Variants in C9orf43 observed in about 807,000 individuals in gnomAD.
C9orf43 encodes the protein uncharacterized protein C9orf43.
A neutral mutation model predicts 59.1 loss-of-function variants in C9orf43; 45 were observed. The ratio of observed to expected loss-of-function variants is 0.76; its 90% CI spans 0.60 to 0.98. The LOEUF is 0.98. Ranked by LOEUF, C9orf43 falls within the 50% of genes least tolerant of loss-of-function variation. The pLI, the probability that C9orf43 is intolerant of heterozygous loss-of-function variation, is 0.00. For missense variants in C9orf43, 533 were observed against 554.9 expected, an observed-to-expected ratio of 0.96 and a Z score of 0.40; for synonymous variants, 203 against 196.8, an observed-to-expected ratio of 1.03 and a Z score of -0.26.
intron 1 of C9orf43, among the ~76,000 whole-genome samples, chr9:113,412,384 C>T (rs994666272): frequency 1.3e-5 from 2 of 152,212 alleles, no homozygotes; most frequent in African/African-American, 2.4e-5. Flanking sequence ...GATAGTTTAT[C>T]TTTGATCTAA....
chr9:113,413,995 A>G, intron 3 of C9orf43, 101 bp downstream of exon 3: 1 of 1,297,920 alleles, frequency 7.7e-7, no homozygotes, highest in East Asian at 2.4e-5. Context: ...TAGATTAAAA[A>G]GAAAATACCA....
intron 3 of C9orf43, among the ~76,000 whole-genome samples, chr9:113,416,866 C>G (rs529516815): frequency 6.6e-6 from 1 of 152,112 alleles, no homozygotes; most frequent in Non-Finnish European, 1.5e-5. Context: ...ACCAGATGTC[C>G]CCTCGGGGCA....
Position 113,410,984 on chromosome 9 carries a change from C to CACGCTTTTGTAATAATGGT in C9orf43, c.-64_-50+4dup, listed in dbSNP as rs1171348563. ...GTTCATTTTTAATCTTTTCGCCCCT[C>CACGCTTTTGTAATAATGGT]ACGCTTTTGTAATAATGGTACTAAG... On this transcript the variant is annotated 5_prime_UTR_variant, in exon 1 of 14. In the 5' UTR this introduces an upstream ATG that the reference lacks. Coordinates refer to ENST00000374165, the MANE Select transcript of C9orf43 (RefSeq NM_001278629.2). 1 of 986,118 alleles carries CACGCTTTTGTAATAATGGT rather than the reference C, an allele frequency of 1.0e-6. No homozygotes were observed. Among genetic ancestry groups the CACGCTTTTGTAATAATGGT allele is most frequent in the Non-Finnish European group, 1.2e-6 (1 of 830,446 alleles). 61.1% of individuals were successfully genotyped at this position (986,118 alleles called of 1,614,324 possible). A position where few individuals can be genotyped will look rare whatever the true frequency, so the allele number is the denominator to read the frequency against.
At position 113,424,214 on chromosome 9, in the gene C9orf43, A is replaced by G. The variant is rs755255479; in HGVS notation, c.705A>G (p.Ile235Met). The G allele has an allele frequency of 1.9e-6, 3 of 1,614,028 alleles. No individual in the cohort carries two copies. The Middle Eastern group carries it at 5.0e-4, about 266-fold the overall frequency. ...KQTMLCPEMK[I>M]KLAMMKKNLP... Reference sequence around the variant, plus strand: ...CCATGCTCTGTCCAGAGATGAAGATAAAATTGGCCATGATGAAAAAGAATC... The same window carrying G: ...CCATGCTCTGTCCAGAGATGAAGATGAAATTGGCCATGATGAAAAAGAATC... Residue 235 changes from isoleucine to methionine, a missense_variant, in exon 8 of 14, where the codon ATA becomes ATG. Ile to Met is a conservative substitution (Grantham distance 10). Transcript: ENST00000374165.
intron 10 of C9orf43, 53 bp from the exon 11 acceptor site, chr9:113,425,590 A>T (rs1419885676): frequency 3.8e-6 from 6 of 1,577,454 alleles, no homozygotes; most frequent in Non-Finnish European, 5.2e-6. Context: ...TTTTGAAAAA[A>T]GTTTTCTTTA....
chr9:113,428,897 C>T lies in C9orf43; in HGVS notation c.1108-3C>T. The stretch of plus-strand genomic sequence containing the variant: ...AATTTCCTTATACCCCAATGAATTT[C>T]AGGATTCCACGGAGAGACCAAAGAT... On this transcript the variant is annotated splice_polypyrimidine_tract_variant and splice_region_variant and intron_variant, in intron 12 of 13. Transcript: ENST00000374165. The T allele has an allele frequency of 6.2e-7, 1 of 1,612,800 alleles. No homozygotes were observed. The highest frequency in any genetic ancestry group is 8.5e-7 in the Non-Finnish European group (1 of 1,178,792).
chr9:113,429,322 T>A lies in C9orf43; in HGVS notation c.1322T>A (p.Leu441Gln). The change falls in exon 14 of 14, where the codon CTA becomes CAA. Residue 441 changes from leucine (L) to glutamine (Q), a missense_variant. By Grantham distance (113) the Leu-to-Gln change is moderately radical (BLOSUM62 -2). Transcript: ENST00000374165. ...ASTGWNSELK[L>Q]LRILQDTDDE... ...ACAGGCTGGAACTCTGAGCTCAAAC[T>A]ACTTAGGATTCTTCAGGACACTGAT... is the stretch of plus-strand genomic sequence containing the variant. 6.2e-7 allele frequency: 1 copy of A among 1,614,208 alleles called. No individual in the cohort carries two copies. Among genetic ancestry groups the A allele is most frequent in the Non-Finnish European group, 8.5e-7 (1 of 1,180,036 alleles).
In C9orf43 at chr9:113,413,656, A is replaced by C; in HGVS notation, c.151+12A>C. ...CCTGGATGCTGAAGGTGAATTAGCC[A>C]GCTTCTGTCCTCTCCCTCACGAGGT... On this transcript the variant is annotated intron_variant, in intron 2 of 13. Coordinates refer to ENST00000374165, the MANE Select transcript of C9orf43 (RefSeq NM_001278629.2). The C allele has an allele frequency of 6.2e-7, 1 of 1,613,874 alleles. No homozygotes were observed. The highest frequency in any genetic ancestry group is 8.5e-7 in the Non-Finnish European group (1 of 1,179,770).
intron 1 of C9orf43, 75 bp from the exon 2 acceptor site, chr9:113,413,370 G>T: frequency 7.6e-7 from 1 of 1,310,838 alleles, no homozygotes; most frequent in Non-Finnish European, 1.0e-6. Context: ...ATTTTATACT[G>T]TGAGTTCAAA....
chr9:113,428,059 A>T (rs1828855518), intron 11 of C9orf43, 88 bp from the exon 12 acceptor site: 1 of 1,274,400 alleles, frequency 7.8e-7, no homozygotes, highest in Non-Finnish European at 1.1e-6. Context: ...ATGCAGAGTC[A>T]CTTGTAGACT....
Position 113,422,572 on chromosome 9 carries a change from A to G in C9orf43, c.470A>G (p.Lys157Arg). The stretch of plus-strand genomic sequence containing the variant: ...AGCCAGCATGGGAAGAAGAAAAGAA[A>G]GAACTCGGCAGTGGTGAGTTTGATG... ...HVSQHGKKKR[K>R]NSAVKSKSFL... Residue 157 changes from lysine (K) to arginine (R), a missense_variant, in exon 6 of 14, where the codon AAG becomes AGG. Transcript: ENST00000374165. 3.1e-6 allele frequency: 5 copies of G among 1,614,044 alleles called. No homozygotes were observed. The highest frequency in any genetic ancestry group is 4.2e-6 in the Non-Finnish European group (5 of 1,179,976).
At chr9:113,420,379 C>T (rs907440241) in intron 4 of C9orf43, among the ~76,000 whole-genome samples, 15 of 151,890 alleles carry the variant, frequency 9.9e-5, no homozygotes, top group African/African-American at 2.9e-4. Context: ...CATGCCTGGC[C>T]GAGATTAAAT....
chr9:113,422,661 T>TCC (rs1828625650), intron 6 of C9orf43, 76 bp downstream of exon 6: 2 of 1,533,750 alleles, frequency 1.3e-6, no homozygotes, highest in South Asian at 1.2e-5. Flanking sequence ...TCAGGTCTCC[T>TCC]CCACCTTACC....
intron 3 of C9orf43, among the ~76,000 whole-genome samples, chr9:113,414,473 C>T (rs931034903): frequency 4.0e-5 from 6 of 150,414 alleles, no homozygotes; most frequent in African/African-American, 9.8e-5. Context: ...TTATTAGAGA[C>T]GAGGTCTTGC....
At chr9:113,428,984 A>T (rs750610190) in intron 13 of C9orf43, 21 bp downstream of exon 13, 2 of 1,602,854 alleles carry the variant, frequency 1.2e-6, no homozygotes, top group Non-Finnish European at 1.7e-6. Flanking sequence ...AGAGTAGAGG[A>T]ACCTTAGTAA....
chr9:113,411,761 C>G (rs538793025), intron 1 of C9orf43, among the ~76,000 whole-genome samples: 1 of 152,188 alleles, frequency 6.6e-6, no homozygotes, highest in Admixed American at 6.5e-5. Flanking sequence ...TCACTGTAGC[C>G]TCGACCTCCC....
Position 113,425,729 on chromosome 9 carries a change from T to C in C9orf43, c.1029T>C (p.Tyr343=). The C allele has an allele frequency of 1.2e-6, 2 of 1,611,310 alleles. No individual in the cohort carries two copies. Among genetic ancestry groups the C allele is most frequent in the African/African-American group, 1.3e-5 (1 of 74,956 alleles). ...HPVTTVHDRL[Y]GYRTLPGQNS... ...TTACCACCGTTCATGACCGTCTCTATGGTAAGGGGAATATATGCTTGGTTG... is the reference window on the plus strand; with the variant it reads ...TTACCACCGTTCATGACCGTCTCTACGGTAAGGGGAATATATGCTTGGTTG... Residue 343 remains tyrosine (Y), a splice_region_variant and synonymous_variant, in exon 11 of 14, where the codon TAT becomes TAC. Coordinates refer to ENST00000374165, the MANE Select transcript of C9orf43 (RefSeq NM_001278629.2).
Position 113,417,773 on chromosome 9 carries a change from C to G in C9orf43, c.288-1335C>G, listed in dbSNP as rs141848634. 1.9e-3 allele frequency among the ~76,000 whole-genome samples: 291 copies of G among 152,288 alleles called. 2 individuals carry two copies. The highest frequency in any genetic ancestry group is 6.1e-3 in the African/African-American group (253 of 41,542). ...TTGTGTCTGTATCAGGAAAATAGTT[C>G]ATTGTGCCTAGAACATAGAGCAGGA... On this transcript the variant is annotated intron_variant, in intron 3 of 13. Transcript: ENST00000374165.
chr9:113,425,116 T>A, intron 9 of C9orf43, 40 bp downstream of exon 9: 2 of 1,587,178 alleles, frequency 1.3e-6, no homozygotes, highest in Non-Finnish European at 8.6e-7. Flanking sequence ...AGCACCATTT[T>A]CTGTTAGCCC....
Sources: gnomAD v4.1 joint callset for allele counts (sites outside exome capture counted in the v4.1 genomes callset) on GRCh38, gnomAD v4.1.1 for gene constraint, MANE v1.5 for transcripts, NCBI Gene and HGNC (gene_info 2026-07-23, HGNC 2026-07-21) for gene names.